The following ZFP37 variants were observed in gnomAD, a reference collection of about 807,000 sequenced individuals.
The protein encoded by ZFP37 is zinc finger protein 37 homolog.
ZFP37 carries 38 observed loss-of-function variants against 52.1 expected under a neutral mutation model. That is an observed-to-expected ratio of 0.73 (90% confidence interval 0.56 to 0.96). ZFP37 has a LOEUF of 0.96. ZFP37 is among the 40% of genes least tolerant of loss of function. ZFP37 has a pLI of 0.00. For synonymous variants in ZFP37, 253 were observed against 259.5 expected (o/e 0.98, Z 0.24); for missense variants, 695 against 741.4 (o/e 0.94, Z 0.73).
At chr9:113,045,636 G>A (rs935821037) in intron 3 of ZFP37, among the ~76,000 whole-genome samples, 7 of 152,104 alleles carry the variant, frequency 4.6e-5, no homozygotes, top group Non-Finnish European at 8.8e-5. Context: ...TGAAAGCTGT[G>A]GGCCACTATG....
At chr9:113,055,258 CA>C (rs1829121166) in intron 1 of ZFP37, among the ~76,000 whole-genome samples, 1 of 152,192 alleles carries the variant, frequency 6.6e-6, no homozygotes, top group African/African-American at 2.4e-5. Flanking sequence ...ACCCAACTGT[CA>C]TTTGCTAAGG....
chr9:113,039,866 G>C lies in ZFP37; in HGVS notation c.*2859C>G, dbSNP rs1828818434. On this transcript the variant is annotated 3_prime_UTR_variant, in exon 4 of 4. Transcript: ENST00000374227. Reference sequence around the variant, plus strand: ...TTAAACTTACTTACACCATGATTTAGATTAGTGGTTCTCAAAGGGTGGTCC... The same window carrying C: ...TTAAACTTACTTACACCATGATTTACATTAGTGGTTCTCAAAGGGTGGTCC... The C allele has an allele frequency of 6.6e-6, 1 of 152,132 alleles. No homozygotes were observed. Among genetic ancestry groups the C allele is most frequent in the Non-Finnish European group, 1.5e-5 (1 of 68,006 alleles). The allele number at this position is 152,132 out of a possible 1,614,324, so 9.4% of individuals were successfully genotyped here. A position where few individuals can be genotyped will look rare whatever the true frequency, so the allele number is the denominator to read the frequency against.
At position 113,043,843 on chromosome 9, in the gene ZFP37, G is replaced by T; in HGVS notation, c.775C>A (p.His259Asn). The part of the protein sequence containing the change: ...HDKLCCHSSS[H>N]IKQDKIQTGE... ...GTTTGAATTTTGTCCTGTTTAATATGGGATGAACTATGACAGCATAATTTG... is the reference window on the plus strand; with the variant it reads ...GTTTGAATTTTGTCCTGTTTAATATTGGATGAACTATGACAGCATAATTTG... The change falls in exon 4 of 4, where the codon CAT becomes AAT. Residue 259 changes from histidine to asparagine, a missense_variant. Coordinates refer to ENST00000374227, the MANE Select transcript of ZFP37 (RefSeq NM_003408.3). The T allele has an allele frequency of 6.2e-7, 1 of 1,613,994 alleles. No individual in the cohort carries two copies.
At position 113,049,877 on chromosome 9, in the gene ZFP37, T is replaced by C; in HGVS notation, c.133-5A>G. ...AGGATCCAGTTGCTTCCATTCCTTCTGGGTAAAGGCCATAGTCACATGTTT... is the reference window on the plus strand; with the variant it reads ...AGGATCCAGTTGCTTCCATTCCTTCCGGGTAAAGGCCATAGTCACATGTTT... On this transcript the variant is annotated splice_polypyrimidine_tract_variant and splice_region_variant and intron_variant, in intron 1 of 3. Transcript: ENST00000374227. 1.2e-6 allele frequency: 2 copies of C among 1,614,078 alleles called. No homozygotes were observed. The highest frequency in any genetic ancestry group is 1.7e-4 in the Middle Eastern group (1 of 6,060).
Position 113,052,752 on chromosome 9 carries a change from A to G in ZFP37, c.133-2880T>C, listed in dbSNP as rs1829078512. On this transcript the variant is annotated intron_variant, in intron 1 of 3. Coordinates refer to ENST00000374227, the MANE Select transcript of ZFP37 (RefSeq NM_003408.3). The surrounding 1 kb of genome is among the most constrained non-coding windows in gnomAD (Gnocchi z 4.1). ...GACTCCCAGAAGAAAGCAGGTGTTC[A>G]GCATAAACCACACTGTGTATTCTTT... 2.0e-5 allele frequency among the ~76,000 whole-genome samples: 3 copies of G among 152,318 alleles called. No individual in the cohort carries two copies. The highest frequency in any genetic ancestry group is 4.1e-4 in the South Asian group (2 of 4,828).
At position 113,042,895 on chromosome 9, in the gene ZFP37, A is replaced by T; in HGVS notation, c.1723T>A (p.Cys575Ser). ...TTAAAGGCTTTTTCACATTCGTTAC[A>T]TTCATAAGGTTTCTCCCCAGTATGA... ...RTHTGEKPYE[C>S]NECEKAFNAK... The change falls in exon 4 of 4, where the codon TGT becomes AGT. Residue 575 changes from cysteine to serine, a missense_variant. By Grantham distance (112) the Cys-to-Ser change is moderately radical. Coordinates refer to ENST00000374227, the MANE Select transcript of ZFP37 (RefSeq NM_003408.3). The T allele has an allele frequency of 6.2e-7, 1 of 1,613,968 alleles. No homozygotes were observed. The highest frequency in any genetic ancestry group is 2.2e-5 in the East Asian group (1 of 44,862).
intron 3 of ZFP37, among the ~76,000 whole-genome samples, chr9:113,047,869 G>A (rs1003387215): frequency 2.6e-5 from 4 of 152,150 alleles, no homozygotes; most frequent in South Asian, 2.1e-4. Flanking sequence ...TGTTTAAGTA[G>A]GTCAAATATG....
chr9:113,038,599 A>G lies in ZFP37; in HGVS notation c.*4126T>C, dbSNP rs1171518037. The G allele has an allele frequency of 6.8e-6, 1 of 148,006 alleles. No individual in the cohort carries two copies. The highest frequency in any genetic ancestry group is 1.5e-5 in the Non-Finnish European group (1 of 67,300). 9.2% of individuals were successfully genotyped at this position (148,006 alleles called of 1,614,324 possible). A position where few individuals can be genotyped will look rare whatever the true frequency, so the allele number is the denominator to read the frequency against. ...GAAGTTTGAGACCAGCCTGAGTAACATGGCAAAACTCTGTTTCCACCAAAA... is the reference window on the plus strand; with the variant it reads ...GAAGTTTGAGACCAGCCTGAGTAACGTGGCAAAACTCTGTTTCCACCAAAA... On this transcript the variant is annotated 3_prime_UTR_variant, in exon 4 of 4. Coordinates refer to ENST00000374227, the MANE Select transcript of ZFP37 (RefSeq NM_003408.3).
At chr9:113,048,822 T>C (rs12003447) in intron 3 of ZFP37, among the ~76,000 whole-genome samples, 89,821 of 151,970 alleles carry the variant, frequency 0.59, 27,006 homozygotes, top group African/African-American at 0.71. Flanking sequence ...CTGCTTTGAC[T>C]AATAAAATAT....
Position 113,040,157 on chromosome 9 carries a change from A to C in ZFP37, c.*2568T>G, listed in dbSNP as rs1323328312. On this transcript the variant is annotated 3_prime_UTR_variant, in exon 4 of 4. Transcript: ENST00000374227. ...TCCTCATTCATCAATGCTAACTTTTAATTCATTTTATTACTGCACAAAGTG... is the reference window on the plus strand; with the variant it reads ...TCCTCATTCATCAATGCTAACTTTTCATTCATTTTATTACTGCACAAAGTG... The C allele has an allele frequency of 6.6e-6, 1 of 152,176 alleles. No individual in the cohort carries two copies. Among genetic ancestry groups the C allele is most frequent in the Non-Finnish European group, 1.5e-5 (1 of 68,030 alleles). The allele number at this position is 152,176 out of a possible 1,614,324, so 9.4% of individuals were successfully genotyped here.
chr9:113,055,990 C>T (rs915482078), intron 1 of ZFP37, among the ~76,000 whole-genome samples: 5 of 152,060 alleles, frequency 3.3e-5, no homozygotes, highest in Admixed American at 6.5e-5. Context: ...ACATTGACTC[C>T]CCAAACTCCA....
intron 3 of ZFP37, among the ~76,000 whole-genome samples, chr9:113,047,074 A>T (rs889425723): frequency 1.3e-5 from 2 of 150,592 alleles, no homozygotes; most frequent in African/African-American, 4.9e-5. Flanking sequence ...GCGCCACTGC[A>T]CTCCATCCTG....
rs1828815217 is a variant in ZFP37, at chr9:113,039,646, G to A, written c.*3079C>T. On this transcript the variant is annotated 3_prime_UTR_variant, in exon 4 of 4. Coordinates refer to ENST00000374227, the MANE Select transcript of ZFP37 (RefSeq NM_003408.3). ...TATTTATTACCTATGTCCTCCTCTA[G>A]AATTAAGGTCTATGAGAACAGGGTT... 6.6e-6 allele frequency: 1 copy of A among 152,020 alleles called. No individual in the cohort carries two copies. Among genetic ancestry groups the A allele is most frequent in the Non-Finnish European group, 1.5e-5 (1 of 67,994 alleles). 9.4% of individuals were successfully genotyped at this position (152,020 alleles called of 1,614,324 possible).
At chr9:113,048,779 C>G (rs1312817703) in intron 3 of ZFP37, among the ~76,000 whole-genome samples, 1 of 152,162 alleles carries the variant, frequency 6.6e-6, no homozygotes, top group Non-Finnish European at 1.5e-5. Flanking sequence ...TTATACGTTC[C>G]TACCATGTTG....
intron 3 of ZFP37, among the ~76,000 whole-genome samples, chr9:113,047,692 C>T (rs932168840): frequency 3.9e-5 from 6 of 152,092 alleles, no homozygotes; most frequent in Non-Finnish European, 8.8e-5. Flanking sequence ...TGTGATGACA[C>T]TGAAAATTGA....
rs376356860 is a variant in ZFP37, at chr9:113,049,880, G to A, written c.133-8C>T. On this transcript the variant is annotated splice_polypyrimidine_tract_variant and splice_region_variant and intron_variant, in intron 1 of 3. Transcript: ENST00000374227. ...ATCCAGTTGCTTCCATTCCTTCTGGGTAAAGGCCATAGTCACATGTTTGAA... is the reference window on the plus strand; with the variant it reads ...ATCCAGTTGCTTCCATTCCTTCTGGATAAAGGCCATAGTCACATGTTTGAA... The A allele has an allele frequency of 5.0e-6, 8 of 1,613,816 alleles. No homozygotes were observed. The African/African-American group carries it at 9.3e-5, about 19-fold the overall frequency.
chr9:113,050,468 CA>C (rs34498194), intron 1 of ZFP37, among the ~76,000 whole-genome samples: 77,814 of 121,556 alleles, frequency 0.64, 22,026 homozygotes, highest in African/African-American at 0.68. Flanking sequence ...GACAAATAGC[CA>C]AAAAAAAAAA....
At chr9:113,049,144 C>T (rs1337456032) in intron 3 of ZFP37, among the ~76,000 whole-genome samples, 2 of 152,100 alleles carry the variant, frequency 1.3e-5, no homozygotes, top group Non-Finnish European at 2.9e-5. Context: ...ACTACTATAG[C>T]GAACCTCACA....
chr9:113,043,328 T>C lies in ZFP37; in HGVS notation c.1290A>G (p.Glu430=), dbSNP rs781238596. 1 of 1,614,068 alleles carries C rather than the reference T, an allele frequency of 6.2e-7. No individual in the cohort carries two copies. The highest frequency in any genetic ancestry group is 2.2e-5 in the East Asian group (1 of 44,872). ...CACATTCATTGCATTCATATGGTATTTCACCTGTATGTGTTCTCACATGTT... is the reference window on the plus strand; with the variant it reads ...CACATTCATTGCATTCATATGGTATCTCACCTGTATGTGTTCTCACATGTT... ...LTEHVRTHTG[E]IPYECNECGK... is the part of the protein sequence containing the mutation. Residue 430 remains glutamate, a synonymous_variant, in exon 4 of 4, where the codon GAA becomes GAG. Coordinates refer to ENST00000374227, the MANE Select transcript of ZFP37 (RefSeq NM_003408.3).
Sources: gnomAD v4.1 joint callset for allele counts (sites outside exome capture counted in the v4.1 genomes callset) on GRCh38, gnomAD v4.1.1 for gene constraint, Gnocchi (gnomAD v3.1) non-coding constraint, MANE v1.5 for transcripts, NCBI Gene and HGNC (gene_info 2026-07-23, HGNC 2026-07-21) for gene names.